The following G3BP1 variants were observed in gnomAD, a reference collection of about 807,000 sequenced individuals.
G3BP1 encodes ras GTPase-activating protein-binding protein 1.
G3BP1 carries 35 observed loss-of-function variants against 58.6 expected under a neutral mutation model. The ratio of observed to expected loss-of-function variants is 0.60; its 90% CI spans 0.46 to 0.79. The LOEUF is 0.79. G3BP1 is among the 30% of genes least tolerant of loss of function. The probability of loss-of-function intolerance (pLI) is 0.00; values close to 1 mark genes in which losing one functional copy is unlikely to be tolerated. For missense variants in G3BP1, 523 were observed against 580.8 expected (o/e 0.90, Z 1.02); for synonymous variants, 191 against 195.4 (o/e 0.98, Z 0.19).
At chr5:151,781,359 C>T (rs1173063981) in intron 1 of G3BP1, among the ~76,000 whole-genome samples, 1 of 152,160 alleles carries the variant, frequency 6.6e-6, no homozygotes, top group Non-Finnish European at 1.5e-5. Flanking sequence ...CTAGCCACCT[C>T]CTGTAAATAT....
chr5:151,803,498 C>CT lies in G3BP1; in HGVS notation c.1195-377dup, dbSNP rs988005554. Among the ~76,000 whole-genome samples, 7 of 149,002 alleles carry CT rather than the reference C, an allele frequency of 4.7e-5. No homozygotes were observed. In the East Asian group the frequency reaches 7.9e-4, roughly 17 times the overall value. ...TTAGCTGATTTATAATCTGCTGGTT[C>CT]TTTTTTTTTTCTGAGTCGGAGTCTC... On this transcript the variant is annotated intron_variant, in intron 11 of 11. Transcript: ENST00000356245.
rs936663669 is a variant in G3BP1, at chr5:151,797,208, T to C, written c.540-19T>C. 1 of 1,611,318 alleles carries C rather than the reference T, an allele frequency of 6.2e-7. No homozygotes were observed. The highest frequency in any genetic ancestry group is 8.5e-7 in the Non-Finnish European group (1 of 1,178,380). ...ATAAATGGTGGCAGAATGATATTTC[T>C]CAAATTTTCCTGTCAAAGTAATGAC... On this transcript the variant is annotated intron_variant, in intron 6 of 11. Coordinates refer to ENST00000356245, the MANE Select transcript of G3BP1 (RefSeq NM_005754.3).
rs1165340373 is a variant in G3BP1 at position 151,790,543 on chromosome 5, T to G, written c.177+139T>G. On this transcript the variant is annotated intron_variant, in intron 3 of 11. Transcript: ENST00000356245. ...AGTAAAAGTTGATGTGTTTTATTAC[T>G]ATTTGATTAATATATTTGTTGAAAT... 13 of 504,880 alleles carry G rather than the reference T, an allele frequency of 2.6e-5. No homozygotes were observed. In the East Asian group the frequency reaches 4.4e-4, roughly 17 times the overall value. The allele number at this position is 504,880 out of a possible 1,614,324, so 31.3% of individuals were successfully genotyped here. A position where few individuals can be genotyped will look rare whatever the true frequency, so the allele number is the denominator to read the frequency against.
Position 151,800,013 on chromosome 5 carries a change from A to C in G3BP1, c.955+13A>C, listed in dbSNP as rs752479032. ...GGACCCAGACCAAGTAAGAGCTCAG[A>C]AGGGCGATTTCTCGTTTGGGGGATT... On this transcript the variant is annotated intron_variant, in intron 9 of 11. Coordinates refer to ENST00000356245, the MANE Select transcript of G3BP1 (RefSeq NM_005754.3). The C allele has an allele frequency of 3.3e-6, 5 of 1,512,596 alleles. No individual in the cohort carries two copies. In the East Asian group the frequency reaches 1.1e-4, roughly 34 times the overall value. The allele number at this position is 1,512,596 out of a possible 1,614,324, so 93.7% of individuals were successfully genotyped here.
intron 1 of G3BP1, among the ~76,000 whole-genome samples, chr5:151,777,238 AC>A (rs1480778065): frequency 2.6e-5 from 4 of 152,228 alleles, no homozygotes; most frequent in Non-Finnish European, 5.9e-5. Flanking sequence ...GATTTAGAGA[AC>A]CAGATATCAA....
intron 2 of G3BP1, chr5:151,787,896 CGTGTGTGTGTGTGTGTGCAT>C (rs1561533257): frequency 5.3e-6 from 1 of 187,864 alleles, no homozygotes; most frequent in African/African-American, 2.4e-5. Context: ...GAATATATCT[CGTGTGTGTGTGTGTGTGCAT>C]GTGTGTGTGT....
chr5:151,785,010 T>TCTA (rs2113225880), intron 1 of G3BP1, among the ~76,000 whole-genome samples: 1 of 152,358 alleles, frequency 6.6e-6, no homozygotes, highest in African/African-American at 2.4e-5. Flanking sequence ...CAAAGTAGAA[T>TCTA]GTTTGGAAAA....
At chr5:151,780,470 T>G (rs1371161107) in intron 1 of G3BP1, among the ~76,000 whole-genome samples, 1 of 152,220 alleles carries the variant, frequency 6.6e-6, no homozygotes, top group African/African-American at 2.4e-5. Context: ...TATGTTTCCC[T>G]GCCCGTCTGT....
At chr5:151,802,662 A>G (rs1347168969) in intron 11 of G3BP1, among the ~76,000 whole-genome samples, 1 of 152,198 alleles carries the variant, frequency 6.6e-6, no homozygotes, top group East Asian at 1.9e-4. Context: ...AGCTGGGCAC[A>G]GTGGCTCACG....
chr5:151,780,760 C>T (rs1762456632), intron 1 of G3BP1, among the ~76,000 whole-genome samples: 1 of 152,152 alleles, frequency 6.6e-6, no homozygotes, highest in African/African-American at 2.4e-5. Context: ...TGATCGCCCA[C>T]CTTGGCTTCC....
Position 151,799,782 on chromosome 5 carries a change from G to A in G3BP1, c.844-107G>A, listed in dbSNP as rs186231415. 34 of 660,436 alleles carry A rather than the reference G, an allele frequency of 5.1e-5. 1 individual carries two copies. The East Asian group carries it at 7.8e-4, about 15-fold the overall frequency. 40.9% of individuals were successfully genotyped at this position (660,436 alleles called of 1,614,324 possible). A position where few individuals can be genotyped will look rare whatever the true frequency, so the allele number is the denominator to read the frequency against. The stretch of plus-strand genomic sequence containing the variant: ...TGGTTTTTAATGATTTTTCTTGTGA[G>A]GGAATTGTCCATTTTGTAGTTTAAA... On this transcript the variant is annotated intron_variant, in intron 8 of 11. Transcript: ENST00000356245.
At chr5:151,773,597 C>T (rs1042165595) in intron 1 of G3BP1, among the ~76,000 whole-genome samples, 6 of 152,112 alleles carry the variant, frequency 3.9e-5, no homozygotes, top group Non-Finnish European at 8.8e-5. Context: ...AATAAATCTT[C>T]TATGTTATAG....
intron 4 of G3BP1, chr5:151,792,102 G>C: frequency 2.2e-6 from 1 of 456,206 alleles, no homozygotes; most frequent in South Asian, 1.5e-5. Context: ...GTTCCTTCAA[G>C]GAGGCCTGGT....
At chr5:151,786,945 T>A in intron 2 of G3BP1, 1 of 300,748 alleles carries the variant, frequency 3.3e-6, no homozygotes, top group Non-Finnish European at 6.1e-6. Flanking sequence ...CCAGTTTAAG[T>A]GATTCTTCTG....
intron 1 of G3BP1, among the ~76,000 whole-genome samples, chr5:151,782,385 A>G (rs1011289825): frequency 1.6e-4 from 24 of 152,150 alleles, no homozygotes; most frequent in African/African-American, 5.3e-4. Context: ...TTCATTTGTC[A>G]TATTTTACTC....
intron 11 of G3BP1, among the ~76,000 whole-genome samples, chr5:151,803,214 T>C (rs1762884498): frequency 1.3e-5 from 2 of 152,376 alleles, no homozygotes; most frequent in East Asian, 1.9e-4. Flanking sequence ...TGCATAAATA[T>C]GTACAGTACC....
intron 1 of G3BP1, among the ~76,000 whole-genome samples, chr5:151,783,099 C>T (rs895966643): frequency 3.9e-5 from 6 of 151,920 alleles, no homozygotes; most frequent in African/African-American, 1.5e-4. Flanking sequence ...CCTCGTGATC[C>T]GCCTGCCTTG....
At chr5:151,795,165 A>G (rs946149388) in intron 5 of G3BP1, among the ~76,000 whole-genome samples, 1 of 152,186 alleles carries the variant, frequency 6.6e-6, no homozygotes, top group Non-Finnish European at 1.5e-5. Flanking sequence ...AGTCCTAGCT[A>G]TTCGGGAGAC....
Position 151,795,551 on chromosome 5 carries a change from C to A in G3BP1, c.515C>A (p.Thr172Asn). The stretch of plus-strand genomic sequence containing the variant: ...GAGGTGGTACCTGATGATTCTGGAA[C>A]TTTCTATGATCAGGCAGTTGTCAGG... ...TPEVVPDDSG[T>N]FYDQAVVSND... The change falls in exon 6 of 12, where the codon ACT becomes AAT. Residue 172 changes from threonine to asparagine, a missense_variant. Transcript: ENST00000356245. 6.2e-7 allele frequency: 1 copy of A among 1,600,760 alleles called. No homozygotes were observed. The highest frequency in any genetic ancestry group is 8.6e-7 in the Non-Finnish European group (1 of 1,168,312).
Sources: allele counts gnomAD v4.1 joint callset (sites outside exome capture counted in the v4.1 genomes callset), GRCh38; gene constraint gnomAD v4.1.1; transcripts MANE v1.5; gene names NCBI Gene and HGNC (gene_info 2026-07-23, HGNC 2026-07-21).